Variants in DIAPH2 observed in about 807,000 individuals in gnomAD.
DIAPH2 encodes protein diaphanous homolog 2.
A neutral mutation model predicts 92.7 loss-of-function variants in DIAPH2; 35 were observed. That is an observed-to-expected ratio of 0.38 (90% CI 0.29 to 0.50). DIAPH2 has a LOEUF of 0.50. Among genes scored for constraint, DIAPH2 ranks in the 20% least tolerant of loss-of-function variants. The pLI is 0.94. For missense variants in DIAPH2, 701 were observed against 819.5 expected, an observed-to-expected ratio of 0.86 and a Z score of 1.77; for synonymous variants, 301 against 280.4, an observed-to-expected ratio of 1.07 and a Z score of -0.73.
chrX:97,425,754 C>T (rs2070056212), intron 25 of DIAPH2, among the ~76,000 whole-genome samples: 1 of 105,153 alleles, frequency 9.5e-6, no homozygotes, highest in Admixed American at 1.0e-4. Context: ...GCACTCCAAC[C>T]TCGGCAACAG....
At chrX:97,593,664 A>G (rs1441748924) in intron 26 of DIAPH2, among the ~76,000 whole-genome samples, 1 of 111,621 alleles carries the variant, frequency 9.0e-6, no homozygotes, top group Non-Finnish European at 1.9e-5. Flanking sequence ...CTAAAAACCT[A>G]CAACACAAAA....
intron 4 of DIAPH2, among the ~76,000 whole-genome samples, chrX:96,814,199 A>C: frequency 9.0e-6 from 1 of 111,106 alleles, no homozygotes; most frequent in Non-Finnish European, 1.9e-5. Context: ...ATATTCCCAT[A>C]TTTCTTGGAG....
At chrX:97,511,230 C>A (rs2070889198) in intron 26 of DIAPH2, among the ~76,000 whole-genome samples, 2 of 93,664 alleles carry the variant, frequency 2.1e-5, no homozygotes, top group South Asian at 1.2e-3. Context: ...CTTCACATCC[C>A]TTGTAAGTTG....
intron 3 of DIAPH2, among the ~76,000 whole-genome samples, chrX:96,743,007 AC>A (rs1271692151): frequency 1.8e-5 from 2 of 112,534 alleles, no homozygotes; most frequent in Admixed American, 1.9e-4. Context: ...TACAACATTT[AC>A]AGTGTTTTTA....
In DIAPH2 at chrX:96,744,937, A is replaced by G. The variant is rs2147578530; in HGVS notation, c.342+6175A>G. On this transcript the variant is annotated intron_variant, in intron 3 of 26. Transcript: ENST00000324765. ...TTGGCTTTTCTGACTTTAGAGAACTACAAAGGTTTAGACCATTTGGTTTCA... is the reference window on the plus strand; with the variant it reads ...TTGGCTTTTCTGACTTTAGAGAACTGCAAAGGTTTAGACCATTTGGTTTCA... 2.7e-5 allele frequency among the ~76,000 whole-genome samples: 3 copies of G among 110,202 alleles called. No individual in the cohort carries two copies. The South Asian group carries it at 1.2e-3, about 43-fold the overall frequency.
At chrX:97,390,913 G>T (rs1488610496) in intron 25 of DIAPH2, among the ~76,000 whole-genome samples, 1 of 111,616 alleles carries the variant, frequency 9.0e-6, no homozygotes, top group African/African-American at 3.3e-5. Flanking sequence ...TTTAAAAATT[G>T]GATTTATTTT....
intron 22 of DIAPH2, among the ~76,000 whole-genome samples, chrX:97,191,226 G>T (rs1471867099): frequency 9.2e-6 from 1 of 109,081 alleles, no homozygotes; most frequent in Non-Finnish European, 1.9e-5. Flanking sequence ...TACTTGGGAG[G>T]CTGAGGCAGG....
chrX:97,063,282 TA>T (rs199762404), intron 17 of DIAPH2, among the ~76,000 whole-genome samples: 17,940 of 110,579 alleles, frequency 0.16, 1,210 homozygotes, highest in East Asian at 0.34. Flanking sequence ...GACTCAGTAA[TA>T]TTTTTATGTG....
chrX:97,430,526 A>G (rs1033731251), intron 26 of DIAPH2, among the ~76,000 whole-genome samples: 2 of 112,556 alleles, frequency 1.8e-5, no homozygotes, highest in Non-Finnish European at 3.8e-5. Flanking sequence ...AGGTATGTTG[A>G]TTTTAAGACT....
chrX:96,780,584 C>T (rs1263215040), intron 4 of DIAPH2, among the ~76,000 whole-genome samples: 2 of 109,804 alleles, frequency 1.8e-5, no homozygotes, highest in Non-Finnish European at 3.8e-5. Flanking sequence ...TGGGTTCAAG[C>T]GATTCTCCTG....
intron 26 of DIAPH2, among the ~76,000 whole-genome samples, chrX:97,515,315 A>G (rs1290744696): frequency 6.3e-5 from 7 of 111,969 alleles, no homozygotes; most frequent in Non-Finnish European, 1.3e-4. Context: ...AGGAAAGGGA[A>G]CTCCCTGACC....
At chrX:97,225,959 G>GA (rs1424502441) in intron 22 of DIAPH2, among the ~76,000 whole-genome samples, 1 of 111,455 alleles carries the variant, frequency 9.0e-6, no homozygotes, top group African/African-American at 3.3e-5. Context: ...GGTCCTATGA[G>GA]AAAAAATATT....
intron 26 of DIAPH2, among the ~76,000 whole-genome samples, chrX:97,461,826 T>C (rs2070461277): frequency 8.9e-6 from 1 of 111,750 alleles, no homozygotes; most frequent in African/African-American, 3.2e-5. Context: ...ATTCTTTACT[T>C]GTTTCCACTA....
chrX:96,851,402 C>T lies in DIAPH2; in HGVS notation c.448-30177C>T, dbSNP rs200427958. Among the ~76,000 whole-genome samples the T allele has an allele frequency of 9.8e-5, 11 of 111,878 alleles. No homozygotes were observed. The East Asian group carries it at 3.1e-3, about 31-fold the overall frequency. On this transcript the variant is annotated intron_variant, in intron 4 of 26. Transcript: ENST00000324765. ...ACAGGCGTGAGCCACCTTGCCTGGC[C>T]GGTTGCTTATGTTTTAGATGTACAG...
At chrX:96,958,368 A>T (rs1355651627) in intron 16 of DIAPH2, among the ~76,000 whole-genome samples, 1 of 112,285 alleles carries the variant, frequency 8.9e-6, no homozygotes, top group Non-Finnish European at 1.9e-5. Context: ...GAAGTGATGT[A>T]GAGAATAATA....
chrX:97,111,819 G>A (rs903487941), intron 20 of DIAPH2, among the ~76,000 whole-genome samples: 4 of 111,559 alleles, frequency 3.6e-5, no homozygotes, highest in African/African-American at 6.5e-5. Context: ...CAAATCTTCA[G>A]GTTTCCAACA....
chrX:97,473,325 A>AAATT (rs1044747796), intron 26 of DIAPH2, among the ~76,000 whole-genome samples: 7 of 111,225 alleles, frequency 6.3e-5, no homozygotes, highest in Non-Finnish European at 1.3e-4. Context: ...CTTTTTTAAA[A>AAATT]AATTAATTAA....
chrX:96,884,227 G>T, intron 5 of DIAPH2: 1 of 828,619 alleles, frequency 1.2e-6, no homozygotes, highest in South Asian at 2.6e-5. Context: ...AGAGCTCGAA[G>T]CCTTCTGTGG....
At chrX:97,141,861 A>G (rs2067210654) in intron 22 of DIAPH2, 67 bp downstream of exon 22, 1 of 1,053,042 alleles carries the variant, frequency 9.5e-7, no homozygotes, top group Non-Finnish European at 1.3e-6. Flanking sequence ...CAATTAAAGA[A>G]TCTGTAAACA....
Sources: allele counts gnomAD v4.1 joint callset (sites outside exome capture counted in the v4.1 genomes callset), GRCh38; gene constraint gnomAD v4.1.1; transcripts MANE v1.5; gene names NCBI Gene and HGNC (gene_info 2026-07-23, HGNC 2026-07-21).